The following GRID1 variants were observed in gnomAD, a reference collection of about 807,000 sequenced individuals.
The protein encoded by GRID1 is glutamate ionotropic receptor delta type subunit 1.
A neutral mutation model predicts 98.0 loss-of-function variants in GRID1; 28 were observed. The ratio of observed to expected loss-of-function variants is 0.29; its 90% CI spans 0.21 to 0.39. GRID1 has a LOEUF of 0.39. Among genes scored for constraint, GRID1 ranks in the 10% least tolerant of loss-of-function variants. GRID1 has a pLI of 1.00. For missense variants in GRID1, 1,111 were observed against 1,340.5 expected (o/e 0.83, Z 2.67); for synonymous variants, 553 against 538.5 (o/e 1.03, Z -0.37).
At chr10:86,234,337 C>T (rs981249379) in intron 2 of GRID1, among the ~76,000 whole-genome samples, 17 of 152,326 alleles carry the variant, frequency 1.1e-4, no homozygotes, top group Admixed American at 3.3e-4. Flanking sequence ...GCAGCTCCCA[C>T]GCTATCAAAT....
chr10:86,219,092 T>C (rs1846215774), intron 2 of GRID1, among the ~76,000 whole-genome samples: 1 of 152,188 alleles, frequency 6.6e-6, no homozygotes, highest in Admixed American at 6.5e-5. Flanking sequence ...CCTCACTCCC[T>C]CTACAACTGC....
At chr10:85,860,273 C>T (rs1843152555) in intron 6 of GRID1, among the ~76,000 whole-genome samples, 1 of 152,168 alleles carries the variant, frequency 6.6e-6, no homozygotes, top group South Asian at 2.1e-4. Context: ...AAGCAGGAGC[C>T]CAGGGCTCTG....
intron 4 of GRID1, among the ~76,000 whole-genome samples, chr10:85,923,829 G>A: frequency 6.6e-6 from 1 of 152,170 alleles, no homozygotes; most frequent in East Asian, 1.9e-4. Context: ...GGTGATTCAG[G>A]CGACAGTGAT....
chr10:85,855,999 G>A (rs748056530), intron 7 of GRID1, 30 bp downstream of exon 7: 63 of 1,607,084 alleles, frequency 3.9e-5, no homozygotes, highest in Non-Finnish European at 5.3e-5. Context: ...CCTGTCTTTG[G>A]CCAGGTTGGG....
At chr10:85,907,764 A>T (rs753498371) in intron 5 of GRID1, among the ~76,000 whole-genome samples, 3 of 152,172 alleles carry the variant, frequency 2.0e-5, no homozygotes, top group Non-Finnish European at 4.4e-5. Flanking sequence ...TAGGAGAAAA[A>T]TTCTAATCAA....
chr10:86,123,838 A>G (rs1005792619), intron 4 of GRID1, among the ~76,000 whole-genome samples: 1 of 152,226 alleles, frequency 6.6e-6, no homozygotes, highest in African/African-American at 2.4e-5. Flanking sequence ...TGCTCCTCAC[A>G]GGAAGCTGCC....
intron 4 of GRID1, among the ~76,000 whole-genome samples, chr10:86,132,548 A>G (rs1844853885): frequency 6.6e-6 from 1 of 152,234 alleles, no homozygotes; most frequent in Non-Finnish European, 1.5e-5. Context: ...CCTATAATTA[A>G]TTAGTAATTT....
intron 3 of GRID1, among the ~76,000 whole-genome samples, chr10:86,165,082 GT>G (rs1845379313): frequency 6.6e-6 from 1 of 152,156 alleles, no homozygotes; most frequent in Non-Finnish European, 1.5e-5. Context: ...GACTGTGCCT[GT>G]CAGGACGAAC....
chr10:85,635,901 C>T (rs1843035229), intron 13 of GRID1, among the ~76,000 whole-genome samples: 1 of 152,204 alleles, frequency 6.6e-6, no homozygotes, highest in Non-Finnish European at 1.5e-5. Flanking sequence ...CGAGTTCCTT[C>T]CATTTCTGCA....
intron 12 of GRID1, among the ~76,000 whole-genome samples, chr10:85,668,756 T>C (rs1841052189): frequency 6.6e-6 from 1 of 152,194 alleles, no homozygotes; most frequent in Non-Finnish European, 1.5e-5. Context: ...GAAGAATTTA[T>C]CTCACAGTTC....
chr10:86,333,076 T>A (rs948990053), intron 2 of GRID1, among the ~76,000 whole-genome samples: 1 of 152,302 alleles, frequency 6.6e-6, no homozygotes, highest in South Asian at 2.1e-4. Flanking sequence ...GAGACCCACC[T>A]ACCACTCAAA....
intron 8 of GRID1, among the ~76,000 whole-genome samples, chr10:85,789,708 C>T (rs1473510544): frequency 3.9e-5 from 6 of 152,096 alleles, no homozygotes; most frequent in Non-Finnish European, 8.8e-5. Context: ...CAGAACTGCC[C>T]ATGGATGGGA....
intron 2 of GRID1, among the ~76,000 whole-genome samples, chr10:86,307,664 C>T (rs1847776983): frequency 6.6e-6 from 1 of 152,058 alleles, no homozygotes; most frequent in South Asian, 2.1e-4. Context: ...TTCAAATTTA[C>T]TAAGAGAGAA....
At chr10:86,233,378 T>A (rs1380166460) in intron 2 of GRID1, among the ~76,000 whole-genome samples, 1 of 152,176 alleles carries the variant, frequency 6.6e-6, no homozygotes, top group Non-Finnish European at 1.5e-5. Flanking sequence ...CAGGCTGTGG[T>A]GCGGAGGCTG....
intron 13 of GRID1, among the ~76,000 whole-genome samples, chr10:85,639,854 A>G (rs990280656): frequency 1.3e-5 from 2 of 152,232 alleles, no homozygotes; most frequent in Admixed American, 6.5e-5. Context: ...CTGAGCAACA[A>G]GAGCAAAACT....
rs866069626 is a variant in GRID1 at position 86,352,962 on chromosome 10, C to G, written c.235+10979G>C. 3.9e-5 allele frequency among the ~76,000 whole-genome samples: 6 copies of G among 152,318 alleles called. 1 individual carries two copies. The highest frequency in any genetic ancestry group is 6.8e-3 in the Middle Eastern group (2 of 294). Reference sequence around the variant, plus strand: ...GTCCACAGCCTCCTCCTGACCTTGGCCAAGTTAAGTGACCACCACTGCAAT... The same window carrying G: ...GTCCACAGCCTCCTCCTGACCTTGGGCAAGTTAAGTGACCACCACTGCAAT... On this transcript the variant is annotated intron_variant, in intron 2 of 15. Transcript: ENST00000327946.
chr10:85,923,684 T>C (rs886664288), intron 4 of GRID1, among the ~76,000 whole-genome samples: 3 of 152,200 alleles, frequency 2.0e-5, no homozygotes, highest in Non-Finnish European at 1.5e-5. Flanking sequence ...AGAAAGTCAG[T>C]GTAACCAGGC....
chr10:85,705,764 C>G (rs1564565594), intron 12 of GRID1, among the ~76,000 whole-genome samples: 2 of 152,108 alleles, frequency 1.3e-5, no homozygotes, highest in South Asian at 4.2e-4. Flanking sequence ...CCACCATGAG[C>G]CACCACTTGG....
chr10:86,120,108 T>C (rs1264132612), intron 4 of GRID1, among the ~76,000 whole-genome samples: 1 of 152,176 alleles, frequency 6.6e-6, no homozygotes, highest in African/African-American at 2.4e-5. Flanking sequence ...CAGCTCCCAC[T>C]GTTTTAAGGA....
Sources: allele counts gnomAD v4.1 joint callset (sites outside exome capture counted in the v4.1 genomes callset), GRCh38; gene constraint gnomAD v4.1.1; transcripts MANE v1.5; gene names NCBI Gene and HGNC (gene_info 2026-07-23, HGNC 2026-07-21).